The following PSMG2 variants were observed in gnomAD, a reference collection of about 807,000 sequenced individuals.
PSMG2 encodes CD40 ligand-activated specific transcript 3.
A neutral mutation model predicts 31.5 loss-of-function variants in PSMG2; 21 were observed. The observed-to-expected ratio is 0.67, with a 90% CI of 0.47 to 0.96. PSMG2 has a LOEUF of 0.96. PSMG2 is among the 40% of genes least tolerant of loss of function. PSMG2 has a pLI of 0.00. For missense variants in PSMG2, 318 were observed against 321.2 expected, an observed-to-expected ratio of 0.99 and a Z score of 0.08; for synonymous variants, 120 against 110.4, an observed-to-expected ratio of 1.09 and a Z score of -0.54.
chr18:12,690,946 C>T (rs570123215), intron 1 of PSMG2, among the ~76,000 whole-genome samples: 2 of 151,434 alleles, frequency 1.3e-5, no homozygotes, highest in Non-Finnish European at 2.9e-5. Flanking sequence ...AGAGCCCCCC[C>T]CCGTTCTGCA....
intron 1 of PSMG2, among the ~76,000 whole-genome samples, chr18:12,672,239 T>TG (rs759443830): frequency 4.6e-4 from 70 of 151,426 alleles, no homozygotes; most frequent in African/African-American, 1.7e-3. Context: ...CTCAGCCTCC[T>TG]GAGTAGCTGG....
At chr18:12,693,459 C>T (rs1440378871) in intron 1 of PSMG2, among the ~76,000 whole-genome samples, 1 of 151,740 alleles carries the variant, frequency 6.6e-6, no homozygotes, top group East Asian at 1.9e-4. Context: ...AAGCTACTAC[C>T]CCAAAAAAGT....
chr18:12,681,005 C>G (rs1292277234), intron 1 of PSMG2, among the ~76,000 whole-genome samples: 2 of 152,064 alleles, frequency 1.3e-5, no homozygotes, highest in Non-Finnish European at 2.9e-5. Context: ...TCAAGACCAG[C>G]CTGGCCAACA....
At chr18:12,676,900 A>G (rs1210711085) in intron 1 of PSMG2, among the ~76,000 whole-genome samples, 1 of 152,194 alleles carries the variant, frequency 6.6e-6, no homozygotes, top group Non-Finnish European at 1.5e-5. Context: ...CACAGAAAAC[A>G]GGGCTCACCC....
At chr18:12,695,857 C>T (rs982562964) in intron 1 of PSMG2, among the ~76,000 whole-genome samples, 7 of 133,622 alleles carry the variant, frequency 5.2e-5, no homozygotes, top group Non-Finnish European at 7.6e-5. Flanking sequence ...CTTCTCCACA[C>T]ACACACACAC....
chr18:12,713,595 C>T (rs145866338), intron 3 of PSMG2, among the ~76,000 whole-genome samples: 125 of 152,152 alleles, frequency 8.2e-4, no homozygotes, highest in African/African-American at 2.7e-3. Context: ...GAGTATGAAA[C>T]GTGATGGAGA....
At chr18:12,707,428 A>C (rs2040280811) in intron 2 of PSMG2, among the ~76,000 whole-genome samples, 1 of 152,138 alleles carries the variant, frequency 6.6e-6, no homozygotes. Context: ...GGTTTAATAT[A>C]TGTTACGTCA....
At chr18:12,717,605 A>G (rs2040389330) in intron 3 of PSMG2, among the ~76,000 whole-genome samples, 1 of 152,278 alleles carries the variant, frequency 6.6e-6, no homozygotes, top group Non-Finnish European at 1.5e-5. Context: ...GAATTTATTC[A>G]GGAGTATCAT....
chr18:12,699,241 ATAACT>A (rs144512005), upstream of PSMG2: 12 of 1,355,494 alleles, frequency 8.9e-6, no homozygotes, highest in South Asian at 1.1e-4. Flanking sequence ...AAACTGCCAA[ATAACT>A]TAAAAGAATG....
intron 1 of PSMG2, chr18:12,686,557 G>A (rs953109574): frequency 7.4e-6 from 6 of 812,962 alleles, no homozygotes; most frequent in South Asian, 3.4e-5. Flanking sequence ...ACCATTGATC[G>A]AGTGCTTACC....
intron 5 of PSMG2, among the ~76,000 whole-genome samples, chr18:12,722,178 G>C (rs1021251082): frequency 6.6e-6 from 1 of 152,160 alleles, no homozygotes; most frequent in African/African-American, 2.4e-5. Context: ...TTCTGACCAA[G>C]ACAGAGTAAC....
chr18:12,709,582 T>C (rs2040308300), intron 2 of PSMG2, among the ~76,000 whole-genome samples: 1 of 151,680 alleles, frequency 6.6e-6, no homozygotes, highest in South Asian at 2.1e-4. Flanking sequence ...CACTGCAACC[T>C]CCACCTCCCG....
chr18:12,718,475 A>G, intron 3 of PSMG2, 42 bp from the exon 4 acceptor site: 1 of 1,298,886 alleles, frequency 7.7e-7, no homozygotes, highest in South Asian at 1.4e-5. Context: ...CTCTAAGACT[A>G]ACTTTTAGAT....
rs565497342 is a variant in PSMG2, at chr18:12,722,934, A to G, written c.582-1565A>G. Among the ~76,000 whole-genome samples the G allele has an allele frequency of 7.2e-5, 11 of 152,338 alleles. No individual in the cohort carries two copies. In the East Asian group the frequency reaches 2.1e-3, roughly 29 times the overall value. On this transcript the variant is annotated intron_variant, in intron 5 of 6. Transcript: ENST00000317615. ...CGAGAGCCTTGCCTGAGGCCATCACAGCAGACGCATTTAGGAACTGGAATT... is the reference window on the plus strand; with the variant it reads ...CGAGAGCCTTGCCTGAGGCCATCACGGCAGACGCATTTAGGAACTGGAATT...
intron 3 of PSMG2, among the ~76,000 whole-genome samples, chr18:12,713,490 C>T (rs866020518): frequency 8.6e-5 from 13 of 152,042 alleles, no homozygotes; most frequent in East Asian, 3.9e-4. Context: ...AGTAGGTGAG[C>T]GATGGAAGGA....
chr18:12,668,040 G>GT (rs1314087816), intron 1 of PSMG2, among the ~76,000 whole-genome samples: 7 of 151,746 alleles, frequency 4.6e-5, no homozygotes, highest in African/African-American at 9.7e-5. Context: ...CGAGGCAGGC[G>GT]TATCACCTGA....
chr18:12,722,909 C>T (rs1306466543), intron 5 of PSMG2, among the ~76,000 whole-genome samples: 3 of 152,144 alleles, frequency 2.0e-5, no homozygotes, highest in African/African-American at 4.8e-5. Context: ...CTTCTCCAGG[C>T]GAGAGCCTTG....
At chr18:12,703,451 G>A (rs960066179) in intron 1 of PSMG2, among the ~76,000 whole-genome samples, 8 of 152,144 alleles carry the variant, frequency 5.3e-5, no homozygotes, top group African/African-American at 1.9e-4. Flanking sequence ...GTTTTGCAGG[G>A]CATCCTTCAG....
At chr18:12,698,466 G>A (rs894265994), upstream of PSMG2, among the ~76,000 whole-genome samples, 30 of 152,042 alleles carry the variant, frequency 2.0e-4, no homozygotes, top group Non-Finnish European at 2.9e-5. Context: ...ACCACACCCA[G>A]CCTATTTTTT....
Sources: allele counts gnomAD v4.1 joint callset (sites outside exome capture counted in the v4.1 genomes callset), GRCh38; gene constraint gnomAD v4.1.1; transcripts MANE v1.5; gene names NCBI Gene and HGNC (gene_info 2026-07-23, HGNC 2026-07-21).